The following ADAM10 variants were observed in gnomAD, a reference collection of about 807,000 sequenced individuals.
The protein encoded by ADAM10 is ADAM metallopeptidase domain 10, also known as disintegrin and metalloproteinase domain-containing protein 10.
A neutral mutation model predicts 90.1 loss-of-function variants in ADAM10; 17 were observed. The observed-to-expected ratio is 0.19, with a 90% CI of 0.13 to 0.28. ADAM10 has a LOEUF of 0.28. Ranked by LOEUF, ADAM10 falls within the 10% of genes least tolerant of loss-of-function variation. ADAM10 has a pLI of 1.00. For synonymous variants in ADAM10, 310 were observed against 298.6 expected, an observed-to-expected ratio of 1.04 and a Z score of -0.40; for missense variants, 610 against 914.3, an observed-to-expected ratio of 0.67 and a Z score of 4.29.
chr15:58,614,128 G>A (rs971226040), intron 11 of ADAM10, among the ~76,000 whole-genome samples: 2 of 151,744 alleles, frequency 1.3e-5, no homozygotes, highest in Non-Finnish European at 2.9e-5. Context: ...CTAAAAATAC[G>A]AAAAAAACTA....
At chr15:58,713,969 T>A (rs1898562545) in intron 2 of ADAM10, among the ~76,000 whole-genome samples, 2 of 151,912 alleles carry the variant, frequency 1.3e-5, no homozygotes, top group East Asian at 3.9e-4. Flanking sequence ...CATGCCCAGC[T>A]AATTGTTTGT....
At chr15:58,714,286 T>TACACACACAC (rs1249808977) in intron 2 of ADAM10, among the ~76,000 whole-genome samples, 2 of 75,736 alleles carry the variant, frequency 2.6e-5, no homozygotes, top group African/African-American at 6.2e-5. Context: ...TACTTATACA[T>TACACACACAC]ACACATACAC....
Position 58,633,345 on chromosome 15 carries a change from T to C in ADAM10, c.1027A>G (p.Ile343Val). Residue 343 changes from isoleucine (I) to valine (V), a missense_variant, in exon 9 of 16, where the codon ATA becomes GTA. Around this residue, in one of 4 missense-constraint regions of ADAM10, gnomAD observed 97 missense variants for 221.4 expected, o/e 0.44. Transcript: ENST00000260408. ...GAATAGAGTTTACTTTTTTCACATATTCCTCCAGAGCTTCCTAATCCAGAA... is the reference window on the plus strand; with the variant it reads ...GAATAGAGTTTACTTTTTTCACATACTCCTCCAGAGCTTCCTAATCCAGAA... ...VGAPSGSSGGICEKSKLYSDG... is the reference protein window; with the variant it reads ...VGAPSGSSGGVCEKSKLYSDG... 1.9e-6 allele frequency: 3 copies of C among 1,613,618 alleles called. No individual in the cohort carries two copies. The highest frequency in any genetic ancestry group is 1.1e-5 in the South Asian group (1 of 91,062).
Position 58,643,880 on chromosome 15 carries a change from C to G in ADAM10, c.828+6G>C. 6 of 1,601,040 alleles carry G rather than the reference C, an allele frequency of 3.7e-6. No individual in the cohort carries two copies. The highest frequency in any genetic ancestry group is 4.3e-6 in the Non-Finnish European group (5 of 1,168,282). Reference sequence around the variant, plus strand: ...TTAAGTGTTTTTAACTATTTAAGTTCCTTACTCTTATGCGTTTCACCATGA... The same window carrying G: ...TTAAGTGTTTTTAACTATTTAAGTTGCTTACTCTTATGCGTTTCACCATGA... On this transcript the variant is annotated splice_donor_region_variant and intron_variant, in intron 7 of 15. Transcript: ENST00000260408.
At chr15:58,727,334 G>A (rs1485498804) in intron 1 of ADAM10, among the ~76,000 whole-genome samples, 1 of 152,122 alleles carries the variant, frequency 6.6e-6, no homozygotes, top group Non-Finnish European at 1.5e-5. Flanking sequence ...GGGATTACAG[G>A]CATGCACCAC....
At position 58,682,193 on chromosome 15, in the gene ADAM10, T is replaced by C. The variant is rs1177507531; in HGVS notation, c.325+3A>G. ...AAAAGGGTTCTGTTAAGGTCCAACT[T>C]ACCATAAATATGTCCAGTGTAAATA... On this transcript the variant is annotated splice_donor_region_variant and intron_variant, in intron 3 of 15. Coordinates refer to ENST00000260408, the MANE Select transcript of ADAM10 (RefSeq NM_001110.4). 1 of 1,611,940 alleles carries C rather than the reference T, an allele frequency of 6.2e-7. No individual in the cohort carries two copies. Among genetic ancestry groups the C allele is most frequent in the Non-Finnish European group, 8.5e-7 (1 of 1,178,942 alleles).
At chr15:58,613,469 A>C (rs1298651552) in intron 11 of ADAM10, among the ~76,000 whole-genome samples, 1 of 152,224 alleles carries the variant, frequency 6.6e-6, no homozygotes, top group Non-Finnish European at 1.5e-5. Flanking sequence ...AAAGAAAAGG[A>C]AATCAATAAA....
intron 2 of ADAM10, among the ~76,000 whole-genome samples, chr15:58,701,803 T>A: frequency 6.6e-6 from 1 of 152,108 alleles, no homozygotes; most frequent in South Asian, 2.1e-4. Flanking sequence ...ACAATTTGAC[T>A]ATTAAAAATA....
intron 4 of ADAM10, among the ~76,000 whole-genome samples, chr15:58,668,375 G>C (rs1897123916): frequency 6.6e-6 from 1 of 152,112 alleles, no homozygotes; most frequent in African/African-American, 2.4e-5. Flanking sequence ...ACGTGTATTT[G>C]ACTTGGGACT....
At chr15:58,716,605 A>C (rs1186972086) in intron 2 of ADAM10, among the ~76,000 whole-genome samples, 1 of 152,232 alleles carries the variant, frequency 6.6e-6, no homozygotes, top group Non-Finnish European at 1.5e-5. Context: ...TTACAGAGAA[A>C]CTTAAAAGTC....
At chr15:58,648,362 T>A (rs1390374178) in intron 5 of ADAM10, among the ~76,000 whole-genome samples, 1 of 152,130 alleles carries the variant, frequency 6.6e-6, no homozygotes, top group South Asian at 2.1e-4. Context: ...GACTCAAACA[T>A]TGAGAAGTAT....
chr15:58,683,511 T>A (rs959548133), intron 2 of ADAM10, among the ~76,000 whole-genome samples: 1 of 152,134 alleles, frequency 6.6e-6, no homozygotes, highest in Non-Finnish European at 1.5e-5. Flanking sequence ...GTATCTTACA[T>A]ATACTTGCAT....
chr15:58,654,013 C>T (rs1896750438), intron 5 of ADAM10, among the ~76,000 whole-genome samples: 1 of 152,012 alleles, frequency 6.6e-6, no homozygotes. Context: ...CTCAAAGTAC[C>T]CACTAATGAT....
intron 8 of ADAM10, among the ~76,000 whole-genome samples, chr15:58,636,712 C>T (rs1436703026): frequency 6.6e-6 from 1 of 151,976 alleles, no homozygotes; most frequent in South Asian, 2.1e-4. Flanking sequence ...TCAAAACAGA[C>T]CCACTCCACC....
At chr15:58,688,310 T>C (rs568339445) in intron 2 of ADAM10, among the ~76,000 whole-genome samples, 1 of 152,098 alleles carries the variant, frequency 6.6e-6, no homozygotes, top group South Asian at 2.1e-4. Flanking sequence ...GGAAGATTGC[T>C]TGAGCCCAGG....
intron 1 of ADAM10, chr15:58,748,920 G>T (rs550783108): frequency 7.5e-6 from 3 of 398,608 alleles, no homozygotes; most frequent in South Asian, 1.3e-4. Flanking sequence ...GGTCAGGACC[G>T]GCGCGCCGGG....
Position 58,706,064 on chromosome 15 carries a change from A to G in ADAM10, c.206+11513T>C, listed in dbSNP as rs118123259. The stretch of plus-strand genomic sequence containing the variant: ...TGCAAACAAGGATGGACTACTGTAG[A>G]CTAAAAAGAAGTTGCCTTTTCCCAA... On this transcript the variant is annotated intron_variant, in intron 2 of 15. Coordinates refer to ENST00000260408, the MANE Select transcript of ADAM10 (RefSeq NM_001110.4). Among the ~76,000 whole-genome samples the G allele has an allele frequency of 3.9e-4, 60 of 152,364 alleles. 1 individual carries two copies. In the East Asian group the frequency reaches 0.011, roughly 28 times the overall value.
chr15:58,627,358 C>T (rs568052242), intron 10 of ADAM10, among the ~76,000 whole-genome samples: 2 of 152,222 alleles, frequency 1.3e-5, no homozygotes, highest in Non-Finnish European at 2.9e-5. Context: ...AAGGTAAATG[C>T]ATCTGTCAAA....
chr15:58,603,588 T>G (rs1895174557), intron 14 of ADAM10, among the ~76,000 whole-genome samples: 1 of 152,164 alleles, frequency 6.6e-6, no homozygotes, highest in African/African-American at 2.4e-5. Flanking sequence ...TTACTTTCAT[T>G]TTTATGAAAA....
Sources: allele counts gnomAD v4.1 joint callset (sites outside exome capture counted in the v4.1 genomes callset), GRCh38; gene constraint gnomAD v4.1.1; regional missense constraint gnomAD v4.1.1; transcripts MANE v1.5; gene names NCBI Gene and HGNC (gene_info 2026-07-23, HGNC 2026-07-21).